PRR16: variants seen among roughly 807,000 people sequenced by gnomAD.
PRR16 encodes protein Largen.
A neutral mutation model predicts 18.2 loss-of-function variants in PRR16; 6 were observed. The ratio of observed to expected loss-of-function variants is 0.33; its 90% CI spans 0.18 to 0.65. The LOEUF (loss-of-function observed/expected upper bound fraction) is 0.65. Among genes scored for constraint, PRR16 ranks in the 30% least tolerant of loss-of-function variants. PRR16 has a pLI of 0.74. For synonymous variants in PRR16, 151 were observed against 147.8 expected, an observed-to-expected ratio of 1.02 and a Z score of -0.16; for missense variants, 412 against 376.6, an observed-to-expected ratio of 1.09 and a Z score of -0.78.
At chr5:120,655,420 G>A (rs1330374045) in intron 1 of PRR16, among the ~76,000 whole-genome samples, 1 of 143,826 alleles carries the variant, frequency 7.0e-6, no homozygotes, top group Non-Finnish European at 1.5e-5. Context: ...GTCCCTAATA[G>A]TTTAGCGTCA....
intron 1 of PRR16, among the ~76,000 whole-genome samples, chr5:120,564,961 G>A (rs1309151910): frequency 1.3e-5 from 2 of 149,642 alleles, no homozygotes; most frequent in African/African-American, 5.0e-5. Context: ...ACTCCAGCCT[G>A]GGTGACAGAG....
chr5:120,624,880 A>G (rs1374623279), intron 1 of PRR16, among the ~76,000 whole-genome samples: 1 of 152,034 alleles, frequency 6.6e-6, no homozygotes, highest in Non-Finnish European at 1.5e-5. Flanking sequence ...TTCTCGTGAT[A>G]ATGAATAAGT....
chr5:120,667,485 G>A (rs868379674), intron 1 of PRR16, among the ~76,000 whole-genome samples: 5 of 151,238 alleles, frequency 3.3e-5, no homozygotes, highest in African/African-American at 9.7e-5. Context: ...GTTATTTCTT[G>A]CCTTCTGCTA....
chr5:120,703,296 G>A, the PRR16 span, among the ~76,000 whole-genome samples: 498 of 152,312 alleles, frequency 3.3e-3, 7 homozygotes, highest in African/African-American at 0.011. Context: ...ATCAGTTAAG[G>A]TGGGGCAAAG....
chr5:120,620,174 T>G (rs1318300233), intron 1 of PRR16, among the ~76,000 whole-genome samples: 4 of 152,138 alleles, frequency 2.6e-5, no homozygotes, highest in Non-Finnish European at 5.9e-5. Flanking sequence ...AGACCAGAAC[T>G]TTTGCAAGAT....
At chr5:120,754,178 AATATAT>A in the PRR16 span, among the ~76,000 whole-genome samples, 1 of 112,178 alleles carries the variant, frequency 8.9e-6, no homozygotes, top group African/African-American at 3.6e-5. Flanking sequence ...TATAAATATA[AATATAT>A]AATATATAAT....
intron 1 of PRR16, among the ~76,000 whole-genome samples, chr5:120,582,547 A>G (rs1431732905): frequency 6.6e-6 from 1 of 152,164 alleles, no homozygotes; most frequent in Non-Finnish European, 1.5e-5. Context: ...AACAAAAGCA[A>G]TAAACTATGC....
chr5:120,786,405 G>A, the PRR16 span, among the ~76,000 whole-genome samples: 1 of 151,590 alleles, frequency 6.6e-6, no homozygotes, highest in Non-Finnish European at 1.5e-5. Flanking sequence ...GCTTTTAACA[G>A]TCAGGAGAAA....
At chr5:120,773,043 T>C in the PRR16 span, among the ~76,000 whole-genome samples, 64 of 152,170 alleles carry the variant, frequency 4.2e-4, 1 homozygote, top group Admixed American at 2.6e-3. Flanking sequence ...GATATTGCTA[T>C]AGCATGTGTC....
At chr5:120,726,741 T>G in the PRR16 span, among the ~76,000 whole-genome samples, 1 of 152,078 alleles carries the variant, frequency 6.6e-6, no homozygotes, top group Non-Finnish European at 1.5e-5. Flanking sequence ...TATTGCCTCT[T>G]CTGACTGACA....
chr5:120,781,184 A>G, the PRR16 span: 1 of 152,152 alleles, frequency 6.6e-6, no homozygotes, highest in African/African-American at 2.4e-5. Flanking sequence ...CATATCATAG[A>G]CAGGAAAATA....
At chr5:120,500,150 G>C (rs1249436207) in intron 1 of PRR16, among the ~76,000 whole-genome samples, 1 of 152,132 alleles carries the variant, frequency 6.6e-6, no homozygotes, top group African/African-American at 2.4e-5. Flanking sequence ...CAGTTTTTCT[G>C]TGCTGTTTGC....
At chr5:120,777,802 G>A in the PRR16 span, among the ~76,000 whole-genome samples, 7 of 152,044 alleles carry the variant, frequency 4.6e-5, no homozygotes, top group Non-Finnish European at 2.9e-5. Context: ...AGTGCTGATT[G>A]ATAATGCAAA....
rs953500545 is a variant in PRR16, at chr5:120,618,166, G to T, written c.160-67788G>T. Among the ~76,000 whole-genome samples the T allele has an allele frequency of 1.1e-4, 17 of 151,978 alleles. 1 individual carries two copies. Among genetic ancestry groups the T allele is most frequent in the Admixed American group, 9.2e-4 (14 of 15,230 alleles). On this transcript the variant is annotated intron_variant, in intron 1 of 1. Transcript: ENST00000407149. ...ACTATTGGATTTTAAGAATAAATCT[G>T]TTATATCTAAAATCAAATATAAAAG...
intron 1 of PRR16, among the ~76,000 whole-genome samples, chr5:120,572,629 G>A (rs1752944592): frequency 6.6e-6 from 1 of 152,046 alleles, no homozygotes; most frequent in Non-Finnish European, 1.5e-5. Context: ...AAATTAATGG[G>A]ACTACATGAG....
At chr5:120,662,167 A>G (rs1461559542) in intron 1 of PRR16, among the ~76,000 whole-genome samples, 1 of 152,060 alleles carries the variant, frequency 6.6e-6, no homozygotes, top group Non-Finnish European at 1.5e-5. Context: ...ATTAAGGTAT[A>G]TTTTTCAAGG....
Position 120,686,624 on chromosome 5 carries a change from C to A in PRR16, c.830C>A (p.Pro277His), listed in dbSNP as rs1042464450. Residue 277 changes from proline to histidine, a missense_variant, in exon 2 of 2, where the codon CCT becomes CAT. Transcript: ENST00000407149. ...ATAAGCCACAGTAACAGCTTCCCCC[C>A]TATCAGACCTGCAACTGTGCCTCCT... ...MGISHSNSFP[P>H]IRPATVPPPT... is the part of the protein sequence containing the mutation. 2.5e-6 allele frequency: 4 copies of A among 1,609,070 alleles called. No homozygotes were observed. Among genetic ancestry groups the A allele is most frequent in the Admixed American group, 3.4e-5 (2 of 59,662 alleles).
At chr5:120,474,739 A>C (rs1248177569) in intron 1 of PRR16, among the ~76,000 whole-genome samples, 1 of 152,146 alleles carries the variant, frequency 6.6e-6, no homozygotes, top group African/African-American at 2.4e-5. Flanking sequence ...TCACAATGAA[A>C]TAAAAGTTAA....
intron 1 of PRR16, among the ~76,000 whole-genome samples, chr5:120,577,799 T>C (rs1038455147): frequency 6.6e-6 from 1 of 152,196 alleles, no homozygotes; most frequent in Non-Finnish European, 1.5e-5. Context: ...TTTCTTTCGA[T>C]TATTCATTTA....
Sources: allele counts gnomAD v4.1 joint callset (sites outside exome capture counted in the v4.1 genomes callset), GRCh38; gene constraint gnomAD v4.1.1; transcripts MANE v1.5; gene names NCBI Gene and HGNC (gene_info 2026-07-23, HGNC 2026-07-21).